GLUD1: variants seen among roughly 807,000 people sequenced by gnomAD.
GLUD1 encodes glutamate dehydrogenase 1.
A neutral mutation model predicts 56.0 loss-of-function variants in GLUD1; 22 were observed. That is an observed-to-expected ratio of 0.39 (90% confidence interval 0.28 to 0.56). The LOEUF (loss-of-function observed/expected upper bound fraction) is 0.56, where lower values mean the gene tolerates loss of function less well. Ranked by LOEUF, GLUD1 falls within the 20% of genes least tolerant of loss-of-function variation. GLUD1 has a pLI of 0.58. For missense variants in GLUD1, 451 were observed against 732.0 expected, an observed-to-expected ratio of 0.62 and a Z score of 4.43; for synonymous variants, 223 against 269.9, an observed-to-expected ratio of 0.83 and a Z score of 1.70.
At chr10:87,067,141 C>T (rs1677844585) in intron 5 of GLUD1, among the ~76,000 whole-genome samples, 1 of 152,272 alleles carries the variant, frequency 6.6e-6, no homozygotes, top group African/African-American at 2.4e-5. Context: ...GCCTATTCTT[C>T]CCCAGGAAGG....
intron 1 of GLUD1, among the ~76,000 whole-genome samples, chr10:87,081,195 G>C (rs1365196927): frequency 1.8e-5 from 1 of 56,612 alleles, no homozygotes; most frequent in African/African-American, 1.1e-4. Context: ...GGAGGGAGGT[G>C]GGGGGGTCAG....
Position 87,057,700 on chromosome 10 carries a change from G to A in GLUD1, c.1485C>T (p.Asp495=). 6.4e-7 allele frequency: 1 copy of A among 1,554,818 alleles called. No individual in the cohort carries two copies. The highest frequency in any genetic ancestry group is 8.9e-7 in the Non-Finnish European group (1 of 1,126,386). The change falls in exon 11 of 13, where the codon GAC becomes GAT. Residue 495 remains aspartate (D), a synonymous_variant. Transcript: ENST00000277865. ...IPIVPTAEFQ[D]RISGASEKDI... is the part of the protein sequence containing the mutation. ...GGGTCACCACACTCACCGATATCCT[G>A]TCTTGGAACTCTGCCGTGGGTACAA... is the stretch of plus-strand genomic sequence containing the variant.
chr10:87,072,606 T>C (rs1846269017), intron 4 of GLUD1, among the ~76,000 whole-genome samples: 1 of 152,240 alleles, frequency 6.6e-6, no homozygotes, highest in South Asian at 2.1e-4. Flanking sequence ...TTTTGCACAT[T>C]AAGCAAATAA....
chr10:87,067,490 T>C (rs1813193663), intron 5 of GLUD1, among the ~76,000 whole-genome samples: 1 of 152,246 alleles, frequency 6.6e-6, no homozygotes, highest in South Asian at 2.1e-4. Context: ...CCACCCAAAG[T>C]GCTGGAATTA....
intron 6 of GLUD1, 117 bp from the exon 7 acceptor site, chr10:87,061,169 C>A (rs1262780460): frequency 3.8e-6 from 4 of 1,041,540 alleles, no homozygotes; most frequent in Non-Finnish European, 1.5e-6. Context: ...TCTCAAAATT[C>A]TTTTGCCAAA....
intron 5 of GLUD1, among the ~76,000 whole-genome samples, chr10:87,066,060 C>T (rs1218123363): frequency 6.6e-6 from 1 of 152,160 alleles, no homozygotes; most frequent in Non-Finnish European, 1.5e-5. Context: ...GACTTCACTA[C>T]CTCTACCAGC....
chr10:87,094,180 C>G lies in GLUD1; in HGVS notation c.445+145G>C. 7.2e-7 allele frequency: 1 copy of G among 1,393,006 alleles called. No individual in the cohort carries two copies. Among genetic ancestry groups the G allele is most frequent in the Non-Finnish European group, 9.5e-7 (1 of 1,049,612 alleles). The allele number at this position is 1,393,006 out of a possible 1,614,324, so 86.3% of individuals were successfully genotyped here. A position where few individuals can be genotyped will look rare whatever the true frequency, so the allele number is the denominator to read the frequency against. Reference sequence around the variant, plus strand: ...TCACCATCCACAGAGCCGGCCACATCCGAGGCGGGGTGACCCGGGCGGGGA... The same window carrying G: ...TCACCATCCACAGAGCCGGCCACATGCGAGGCGGGGTGACCCGGGCGGGGA... On this transcript the variant is annotated intron_variant, in intron 1 of 12. Transcript: ENST00000277865. The surrounding 1 kb of genome is among the most constrained non-coding windows in gnomAD (Gnocchi z 6.6).
In GLUD1 at chr10:87,078,273, C is replaced by T. The variant is rs184513109; in HGVS notation, c.446-1617G>A. 1.3e-4 allele frequency among the ~76,000 whole-genome samples: 20 copies of T among 152,176 alleles called. No individual in the cohort carries two copies. The East Asian group carries it at 2.5e-3, about 19-fold the overall frequency. Reference sequence around the variant, plus strand: ...AATGCAAAATTACAGGTAATTTTTCCAGCACACAGCAGATATCTGTATAGC... The same window carrying T: ...AATGCAAAATTACAGGTAATTTTTCTAGCACACAGCAGATATCTGTATAGC... On this transcript the variant is annotated intron_variant, in intron 1 of 12. Coordinates refer to ENST00000277865, the MANE Select transcript of GLUD1 (RefSeq NM_005271.5).
In GLUD1 at chr10:87,073,190, C is replaced by T. The variant is rs549584617; in HGVS notation, c.646+1361G>A. Reference sequence around the variant, plus strand: ...TGAGATGTGGTCTCGTTTTGTTGCTCAGGCCAGAGTGTGGCAGGCCAGAGT... The same window carrying T: ...TGAGATGTGGTCTCGTTTTGTTGCTTAGGCCAGAGTGTGGCAGGCCAGAGT... On this transcript the variant is annotated intron_variant, in intron 4 of 12. Transcript: ENST00000277865. Among the ~76,000 whole-genome samples, 3 of 152,188 alleles carry T rather than the reference C, an allele frequency of 2.0e-5. No individual in the cohort carries two copies. In the East Asian group the frequency reaches 5.8e-4, roughly 29 times the overall value.
At chr10:87,091,247 G>C (rs948529492) in intron 1 of GLUD1, among the ~76,000 whole-genome samples, 1 of 152,032 alleles carries the variant, frequency 6.6e-6, no homozygotes, top group African/African-American at 2.4e-5. Context: ...GACAACTGGG[G>C]GGGGGCAGAC....
intron 12 of GLUD1, among the ~76,000 whole-genome samples, chr10:87,052,562 C>T (rs923019162): frequency 2.0e-5 from 3 of 147,230 alleles, no homozygotes; most frequent in African/African-American, 5.0e-5. Flanking sequence ...CCCAGCTACT[C>T]GGGAGGCTAA....
In GLUD1 at chr10:87,094,035, G is replaced by C. The variant is rs1841630454; in HGVS notation, c.445+290C>G. 4.7e-6 allele frequency: 7 copies of C among 1,493,622 alleles called. No individual in the cohort carries two copies. The highest frequency in any genetic ancestry group is 6.3e-6 in the Non-Finnish European group (7 of 1,119,936). 92.5% of individuals were successfully genotyped at this position (1,493,622 alleles called of 1,614,324 possible). A position where few individuals can be genotyped will look rare whatever the true frequency, so the allele number is the denominator to read the frequency against. On this transcript the variant is annotated intron_variant, in intron 1 of 12. Coordinates refer to ENST00000277865, the MANE Select transcript of GLUD1 (RefSeq NM_005271.5). This position sits in a 1 kb window ranked among gnomAD's most constrained non-coding sequence, Gnocchi z 6.6. The stretch of plus-strand genomic sequence containing the variant: ...CCGCCGTGTGTGACACAGACACCGG[G>C]ACCAAAAGGAGACCGGTGCAGCGTC...
At chr10:87,081,034 C>A (rs1476297917) in intron 1 of GLUD1, among the ~76,000 whole-genome samples, 1 of 126,748 alleles carries the variant, frequency 7.9e-6, no homozygotes, top group Non-Finnish European at 1.8e-5. Flanking sequence ...GTCAGCCCCC[C>A]GCCCGGCCAG....
intron 3 of GLUD1, 131 bp from the exon 4 acceptor site, chr10:87,074,745 T>C: frequency 3.0e-6 from 2 of 663,888 alleles, no homozygotes; most frequent in Non-Finnish European, 2.7e-6. Context: ...GAACAACTCA[T>C]AAAGTAGGCA....
intron 4 of GLUD1, among the ~76,000 whole-genome samples, chr10:87,073,412 C>G (rs1211641989): frequency 6.6e-6 from 1 of 152,028 alleles, no homozygotes; most frequent in South Asian, 2.1e-4. Context: ...CCTCAGCCTC[C>G]AAAAATGCTG....
chr10:87,053,435 A>AACCACAAAGACCTGCTTTGTGTCCCTGT lies in GLUD1; in HGVS notation c.1495-59_1495-32dup, dbSNP rs548021272. On this transcript the variant is annotated intron_variant, in intron 11 of 12. Coordinates refer to ENST00000277865, the MANE Select transcript of GLUD1 (RefSeq NM_005271.5). ...AGGGAAAAGAACACAAGTTTAACAAAACCACAAAGACCTGCTTTGTGTCCC... is the reference window on the plus strand; with the variant it reads ...AGGGAAAAGAACACAAGTTTAACAAAACCACAAAGACCTGCTTTGTGTCCCTGTACCACAAAGACCTGCTTTGTGTCCC... 6.4e-5 allele frequency: 88 copies of AACCACAAAGACCTGCTTTGTGTCCCTGT among 1,366,334 alleles called. No individual in the cohort carries two copies. In the African/African-American group the frequency reaches 9.8e-4, roughly 15 times the overall value. 84.6% of individuals were successfully genotyped at this position (1,366,334 alleles called of 1,614,324 possible).
intron 6 of GLUD1, 146 bp downstream of exon 6, chr10:87,062,509 CA>C: frequency 1.4e-6 from 1 of 706,282 alleles, no homozygotes; most frequent in South Asian, 1.8e-5. Context: ...GTTCAAAAAA[CA>C]AAATATCTAT....
chr10:87,082,137 G>A (rs1196602705), intron 1 of GLUD1, among the ~76,000 whole-genome samples: 2 of 152,118 alleles, frequency 1.3e-5, no homozygotes, highest in African/African-American at 4.8e-5. Context: ...CTTGCATTTA[G>A]TGGGGAGCTA....
At chr10:87,073,026 G>C (rs1846280906) in intron 4 of GLUD1, among the ~76,000 whole-genome samples, 2 of 152,162 alleles carry the variant, frequency 1.3e-5, no homozygotes, top group South Asian at 4.1e-4. Context: ...TATTATCAAA[G>C]ACAGGCCAAA....
Sources: allele counts gnomAD v4.1 joint callset (sites outside exome capture counted in the v4.1 genomes callset), GRCh38; gene constraint gnomAD v4.1.1; non-coding constraint Gnocchi (gnomAD v3.1); transcripts MANE v1.5; gene names NCBI Gene and HGNC (gene_info 2026-07-23, HGNC 2026-07-21).